The following SLC5A6 variants were observed in gnomAD, a reference collection of about 807,000 sequenced individuals.
SLC5A6 encodes sodium-dependent multivitamin transporter.
In SLC5A6, 31 loss-of-function variants were observed where a neutral mutation model predicts 67.9. The observed-to-expected ratio is 0.46, with a 90% CI of 0.34 to 0.62. The LOEUF is 0.62. SLC5A6 is among the 20% of genes least tolerant of loss of function. The pLI, the probability that SLC5A6 is intolerant of heterozygous loss-of-function variation, is 0.01. For synonymous variants in SLC5A6, 343 were observed against 331.0 expected (o/e 1.04, Z -0.39); for missense variants, 673 against 812.8 (o/e 0.83, Z 2.09).
rs1673468952 is a variant in SLC5A6 at position 27,199,610 on chromosome 2, A to T, written c.*826T>A. 6.6e-6 allele frequency: 1 copy of T among 152,400 alleles called. No individual in the cohort carries two copies. The highest frequency in any genetic ancestry group is 1.5e-5 in the Non-Finnish European group (1 of 68,078). 9.4% of individuals were successfully genotyped at this position (152,400 alleles called of 1,614,324 possible). On this transcript the variant is annotated 3_prime_UTR_variant, in exon 17 of 17. Coordinates refer to ENST00000310574, the MANE Select transcript of SLC5A6 (RefSeq NM_021095.4). ...AATTCTAGGTCCAATGGTAGTTTTT[A>T]TTCCCCAGGAACAAAGATAATGTGG...
Position 27,212,062 on chromosome 2 carries a change from C to G in SLC5A6, c.-250G>C, listed in dbSNP as rs1270162198. ...GCCCGAGTTTCTGCGAAGCCGCGAC[C>G]TCGGCGTCCGGACGCGGGGAACACC... On this transcript the variant is annotated 5_prime_UTR_variant, in exon 1 of 17. Coordinates refer to ENST00000310574, the MANE Select transcript of SLC5A6 (RefSeq NM_021095.4). 1 of 1,167,964 alleles carries G rather than the reference C, an allele frequency of 8.6e-7. No homozygotes were observed. The highest frequency in any genetic ancestry group is 1.2e-6 in the Non-Finnish European group (1 of 855,204). 72.4% of individuals were successfully genotyped at this position (1,167,964 alleles called of 1,614,324 possible).
At chr2:27,212,285 GC>G, upstream of SLC5A6, 8 of 1,553,376 alleles carry the variant, frequency 5.2e-6, no homozygotes, top group Non-Finnish European at 7.0e-6. Flanking sequence ...CTTAGGCCAC[GC>G]CCGGGGAAGA....
At chr2:27,202,558 G>A (rs560786620) in intron 12 of SLC5A6, among the ~76,000 whole-genome samples, 1 of 149,124 alleles carries the variant, frequency 6.7e-6, no homozygotes, top group East Asian at 2.0e-4. Context: ...CTGCTAGGGG[G>A]CTGATGGAGA....
chr2:27,201,953 C>T, intron 13 of SLC5A6, 35 bp downstream of exon 13: 1 of 1,607,690 alleles, frequency 6.2e-7, no homozygotes, highest in Non-Finnish European at 8.5e-7. Context: ...GTCCATCCTG[C>T]TACACATGAC....
At chr2:27,212,312 C>T (rs1337106844), upstream of SLC5A6, 1 of 1,549,352 alleles carries the variant, frequency 6.5e-7, no homozygotes, top group African/African-American at 1.4e-5. Flanking sequence ...TGACGCGCTG[C>T]GGGGCGGGGC....
In SLC5A6 at chr2:27,206,944, TG is replaced by T; in HGVS notation, c.394-3del. The stretch of plus-strand genomic sequence containing the variant: ...TTTATTGAATCGAAGCTCCAGGTAC[TG>T]GGTATACAGAAAAAAAGATTTTTCT... On this transcript the variant is annotated splice_region_variant and splice_polypyrimidine_tract_variant and intron_variant, in intron 3 of 16. Transcript: ENST00000310574. 2 of 1,612,234 alleles carry T rather than the reference TG, an allele frequency of 1.2e-6. No homozygotes were observed. The highest frequency in any genetic ancestry group is 1.7e-6 in the Non-Finnish European group (2 of 1,178,306).
At position 27,201,428 on chromosome 2, in the gene SLC5A6, A is replaced by T. The variant is rs1673625956; in HGVS notation, c.1570T>A (p.Ser524Thr). ...GCACTGTACCATAAGTAAGACAAGG[A>T]ATAGAACCGCTGCAGCCCTGTGGGC... ...SKPTGLQRFY[S>T]LSYLWYSAHN... Residue 524 changes from serine to threonine, a missense_variant, in exon 15 of 17, where the codon TCC (serine) becomes ACC (threonine). By Grantham distance (58) the Ser-to-Thr change is moderately conservative. Coordinates refer to ENST00000310574, the MANE Select transcript of SLC5A6 (RefSeq NM_021095.4). 1 of 1,613,078 alleles carries T rather than the reference A, an allele frequency of 6.2e-7. No individual in the cohort carries two copies. The highest frequency in any genetic ancestry group is 8.5e-7 in the Non-Finnish European group (1 of 1,179,200).
intron 2 of SLC5A6, among the ~76,000 whole-genome samples, chr2:27,210,629 A>C (rs1209305133): frequency 7.0e-6 from 1 of 142,230 alleles, no homozygotes; most frequent in Non-Finnish European, 1.5e-5. Context: ...TTTTTAGTAG[A>C]GACGAGATTT....
rs1324537309 is a variant in SLC5A6 at position 27,204,941 on chromosome 2, A to T, written c.735-10T>A. 3 of 1,611,886 alleles carry T rather than the reference A, an allele frequency of 1.9e-6. No individual in the cohort carries two copies. Among genetic ancestry groups the T allele is most frequent in the Non-Finnish European group, 2.5e-6 (3 of 1,179,972 alleles). On this transcript the variant is annotated splice_polypyrimidine_tract_variant and intron_variant, in intron 7 of 16. Coordinates refer to ENST00000310574, the MANE Select transcript of SLC5A6 (RefSeq NM_021095.4). ...GGGGTCTGGATCCAGCCTGTAACAG[A>T]CACCACCCAGTCATTGTGCAAAGCC... is the stretch of plus-strand genomic sequence containing the variant.
chr2:27,203,062 C>A (rs556409333), intron 11 of SLC5A6, 171 bp downstream of exon 11: 132 of 1,494,046 alleles, frequency 8.8e-5, no homozygotes, highest in Non-Finnish European at 1.1e-4. Context: ...AGAGACCTCC[C>A]TAGGACATGC....
At chr2:27,208,053 C>T (rs1674202848) in intron 2 of SLC5A6, among the ~76,000 whole-genome samples, 1 of 152,150 alleles carries the variant, frequency 6.6e-6, no homozygotes, top group South Asian at 2.1e-4. Flanking sequence ...GGTCTCCACC[C>T]GAGTACCAAA....
chr2:27,212,330 C>T, upstream of SLC5A6: 1 of 1,549,344 alleles, frequency 6.5e-7, no homozygotes, highest in Non-Finnish European at 8.7e-7. Flanking sequence ...GGCCGCGGGG[C>T]CGGGTCGCGC....
intron 4 of SLC5A6, 30 bp from the exon 5 acceptor site, chr2:27,206,564 G>A (rs1674082868): frequency 6.2e-7 from 1 of 1,603,750 alleles, no homozygotes; most frequent in Non-Finnish European, 8.5e-7. Flanking sequence ...TGTGATGGGG[G>A]CCGGAGAATG....
At chr2:27,206,630 C>T in intron 4 of SLC5A6, 96 bp from the exon 5 acceptor site, 1 of 1,188,012 alleles carries the variant, frequency 8.4e-7, no homozygotes, top group South Asian at 1.2e-5. Flanking sequence ...CATGGCTTCC[C>T]CTCACCTAGG....
chr2:27,212,344 C>T (rs751904846), upstream of SLC5A6: 24 of 1,549,590 alleles, frequency 1.5e-5, no homozygotes, highest in South Asian at 1.8e-4. Context: ...GTCGCGCGAG[C>T]AGCGGAGCAC....
rs370921413 is a variant in SLC5A6 at position 27,204,840 on chromosome 2, C to A, written c.826G>T (p.Ala276Ser). 1 of 1,614,150 alleles carries A rather than the reference C, an allele frequency of 6.2e-7. No homozygotes were observed. The highest frequency in any genetic ancestry group is 8.5e-7 in the Non-Finnish European group (1 of 1,180,016). The part of the protein sequence containing the change: ...MMLSLYGVNQ[A>S]QVQRYLSSRT... ...GAACTGAGGTACCGCTGCACCTGAG[C>A]CTGGTTCACCCCGTATAAGGAGAGC... The change falls in exon 8 of 17, where the codon GCT (alanine) becomes TCT (serine). Residue 276 changes from alanine to serine, a missense_variant. Ala to Ser is a moderately conservative substitution (Grantham distance 99). Transcript: ENST00000310574.
Position 27,207,162 on chromosome 2 carries a change from G to A in SLC5A6, c.393+96C>T. On this transcript the variant is annotated intron_variant, in intron 3 of 16. Coordinates refer to ENST00000310574, the MANE Select transcript of SLC5A6 (RefSeq NM_021095.4). The surrounding 1 kb of genome is among the most constrained non-coding windows in gnomAD (Gnocchi z 5.5). ...AGTTTTCTGTCCCTCTCATTAGGTG[G>A]AGGAGGTCTAGGGTCCCAGGTCCTT... 1 of 1,308,584 alleles carries A rather than the reference G, an allele frequency of 7.6e-7. No individual in the cohort carries two copies. The highest frequency in any genetic ancestry group is 1.1e-6 in the Non-Finnish European group (1 of 925,580). 81.1% of individuals were successfully genotyped at this position (1,308,584 alleles called of 1,614,324 possible).
Position 27,201,743 on chromosome 2 carries a change from A to C in SLC5A6, c.1467T>G (p.Asn489Lys). ...TGGTGGGCAGGGAGAAGCTGGACCC[A>C]TTAGAGGGAGAGGGTGGCATGCTGG... Reference protein sequence around the residue: ...MGSSMPPSPSNGSSFSLPTNL... With the variant: ...MGSSMPPSPSKGSSFSLPTNL... The change falls in exon 14 of 17, where the codon AAT (asparagine) becomes AAG (lysine). Residue 489 changes from asparagine to lysine, a missense_variant. By Grantham distance (94) the Asn-to-Lys change is moderately conservative. Transcript: ENST00000310574. 1.9e-6 allele frequency: 3 copies of C among 1,614,172 alleles called. No individual in the cohort carries two copies. The highest frequency in any genetic ancestry group is 2.5e-6 in the Non-Finnish European group (3 of 1,180,002).
In SLC5A6 at chr2:27,207,019, G is replaced by A. The variant is rs541928105; in HGVS notation, c.394-77C>T. 7.2e-4 allele frequency: 920 copies of A among 1,277,352 alleles called. 1 individual carries two copies. The highest frequency in any genetic ancestry group is 9.7e-4 in the Non-Finnish European group (848 of 873,742). 79.1% of individuals were successfully genotyped at this position (1,277,352 alleles called of 1,614,324 possible). ...CAGACAAATTCCCTCAAGATGCTCA[G>A]GAACATGAGGGAATATCCAACCCAT... On this transcript the variant is annotated intron_variant, in intron 3 of 16. Transcript: ENST00000310574. The surrounding 1 kb of genome is among the most constrained non-coding windows in gnomAD (Gnocchi z 5.5).
Sources: gnomAD v4.1 joint callset for allele counts (sites outside exome capture counted in the v4.1 genomes callset) on GRCh38, gnomAD v4.1.1 for gene constraint, Gnocchi (gnomAD v3.1) non-coding constraint, MANE v1.5 for transcripts, NCBI Gene and HGNC (gene_info 2026-07-23, HGNC 2026-07-21) for gene names.